The following LYRM4 variants were observed in gnomAD, a reference collection of about 807,000 sequenced individuals.
LYRM4 encodes LYR motif-containing protein 4.
In LYRM4, 9 loss-of-function variants were observed where a neutral mutation model predicts 11.7. That is an observed-to-expected ratio of 0.77 (90% CI 0.46 to 1.34). LYRM4 has a LOEUF of 1.34. Among genes scored for constraint, LYRM4 ranks in the 40% most tolerant of loss-of-function variants. The pLI, the probability that LYRM4 is intolerant of heterozygous loss-of-function variation, is 0.00. For missense variants in LYRM4, 133 were observed against 112.5 expected (o/e 1.18, Z -0.82); for synonymous variants, 42 against 40.4 (o/e 1.04, Z -0.15).
chr6:5,043,688 C>G, the LYRM4 span, among the ~76,000 whole-genome samples: 2 of 152,160 alleles, frequency 1.3e-5, no homozygotes, highest in Non-Finnish European at 2.9e-5. Flanking sequence ...TGCCACCCCC[C>G]ATTCCTCGGG....
intron 1 of LYRM4, among the ~76,000 whole-genome samples, chr6:5,247,231 C>CG (rs1373769587): frequency 6.6e-6 from 1 of 152,164 alleles, no homozygotes; most frequent in Non-Finnish European, 1.5e-5. Flanking sequence ...AATGTCCCCC[C>CG]AAGTCCAGAG....
chr6:5,061,136 T>C, the LYRM4 span, among the ~76,000 whole-genome samples: 2 of 152,204 alleles, frequency 1.3e-5, no homozygotes, highest in African/African-American at 4.8e-5. Flanking sequence ...ATTAATTGTA[T>C]TTTTTGGTGA....
chr6:5,051,310 T>C, the LYRM4 span, among the ~76,000 whole-genome samples: 2 of 152,028 alleles, frequency 1.3e-5, no homozygotes, highest in African/African-American at 4.8e-5. Flanking sequence ...GACATGAACA[T>C]AAATATGAAC....
intron 1 of LYRM4, among the ~76,000 whole-genome samples, chr6:5,224,130 T>A (rs1026681671): frequency 1.3e-5 from 2 of 152,236 alleles, no homozygotes; most frequent in Non-Finnish European, 2.9e-5. Flanking sequence ...TAACTCCTAT[T>A]CATCTTTAAA....
At chr6:5,113,897 A>G (rs1561804701) in intron 2 of LYRM4, among the ~76,000 whole-genome samples, 1 of 152,222 alleles carries the variant, frequency 6.6e-6, no homozygotes, top group Non-Finnish European at 1.5e-5. Flanking sequence ...TGCGAATTAC[A>G]CATCACTATA....
At chr6:5,187,882 T>C (rs1456681752) in intron 2 of LYRM4, among the ~76,000 whole-genome samples, 2 of 151,960 alleles carry the variant, frequency 1.3e-5, no homozygotes, top group Non-Finnish European at 2.9e-5. Flanking sequence ...CTCATTTGTG[T>C]TAAACCAACA....
At chr6:5,218,943 CT>C (rs1762430173) in intron 1 of LYRM4, among the ~76,000 whole-genome samples, 1 of 152,178 alleles carries the variant, frequency 6.6e-6, no homozygotes, top group African/African-American at 2.4e-5. Context: ...AAAGCAGTTT[CT>C]TTTTTGGCAA....
At chr6:5,140,232 GA>G (rs562532811) in intron 2 of LYRM4, among the ~76,000 whole-genome samples, 18 of 150,724 alleles carry the variant, frequency 1.2e-4, no homozygotes, top group Admixed American at 5.3e-4. Context: ...TGTCTCAAAA[GA>G]AAAAAAAACC....
intron 2 of LYRM4, among the ~76,000 whole-genome samples, chr6:5,140,018 G>A (rs1428175041): frequency 3.3e-5 from 5 of 151,660 alleles, no homozygotes; most frequent in Non-Finnish European, 5.9e-5. Flanking sequence ...TGGATCACTC[G>A]TGCCCAGGAG....
the LYRM4 span, among the ~76,000 whole-genome samples, chr6:5,053,548 G>C: frequency 6.6e-6 from 1 of 151,652 alleles, no homozygotes; most frequent in Non-Finnish European, 1.5e-5. Flanking sequence ...GATCACTTGA[G>C]CCCCAGAAGT....
intron 2 of LYRM4, among the ~76,000 whole-genome samples, chr6:5,175,411 ATCCTTCACTT>A (rs528894855): frequency 6.6e-6 from 1 of 152,276 alleles, no homozygotes; most frequent in Non-Finnish European, 1.5e-5. Context: ...TGCCAGCCTC[ATCCTTCACTT>A]TCCTGCTCGA....
At chr6:5,188,172 A>G (rs1343957974) in intron 2 of LYRM4, among the ~76,000 whole-genome samples, 1 of 152,194 alleles carries the variant, frequency 6.6e-6, no homozygotes, top group Non-Finnish European at 1.5e-5. Flanking sequence ...AAACATGATG[A>G]AACCCCATGT....
the LYRM4 span, among the ~76,000 whole-genome samples, chr6:5,040,836 T>C: frequency 6.6e-6 from 1 of 151,516 alleles, no homozygotes; most frequent in Non-Finnish European, 1.5e-5. Context: ...TTATCTTTAC[T>C]GCTTCTCCAT....
the LYRM4 span, among the ~76,000 whole-genome samples, chr6:5,045,593 A>G: frequency 6.6e-6 from 1 of 152,246 alleles, no homozygotes; most frequent in East Asian, 1.9e-4. Context: ...AGCTGCGCTG[A>G]GAATGAGCAT....
At chr6:5,074,772 A>G in the LYRM4 span, among the ~76,000 whole-genome samples, 5 of 152,176 alleles carry the variant, frequency 3.3e-5, no homozygotes, top group Admixed American at 2.0e-4. Flanking sequence ...TGGCTTTTAT[A>G]TACACGTTGA....
At chr6:5,074,212 TA>T in the LYRM4 span, among the ~76,000 whole-genome samples, 1 of 152,108 alleles carries the variant, frequency 6.6e-6, no homozygotes, top group East Asian at 1.9e-4. Context: ...CATGGCTATG[TA>T]AATACATAGA....
intron 2 of LYRM4, among the ~76,000 whole-genome samples, chr6:5,214,164 C>T (rs1431086764): frequency 2.0e-5 from 3 of 152,310 alleles, no homozygotes; most frequent in East Asian, 1.9e-4. Context: ...CAAGTAATGT[C>T]ATAGTAGGTA....
chr6:5,164,519 G>A (rs927619587), intron 2 of LYRM4, among the ~76,000 whole-genome samples: 3 of 152,096 alleles, frequency 2.0e-5, no homozygotes, highest in African/African-American at 4.8e-5. Flanking sequence ...TTATAGAAGG[G>A]AAAAAACAGA....
chr6:5,178,299 T>A (rs1759840131), intron 2 of LYRM4, among the ~76,000 whole-genome samples: 1 of 152,116 alleles, frequency 6.6e-6, no homozygotes, highest in Non-Finnish European at 1.5e-5. Context: ...CTTATGTGTA[T>A]CATAAACTAA....
Sources: allele counts gnomAD v4.1 joint callset (sites outside exome capture counted in the v4.1 genomes callset), GRCh38; gene constraint gnomAD v4.1.1; transcripts MANE v1.5; gene names NCBI Gene and HGNC (gene_info 2026-07-23, HGNC 2026-07-21).